Variants in PDGFC observed in about 807,000 individuals in gnomAD.
PDGFC encodes the protein platelet derived growth factor C.
In PDGFC, 12 loss-of-function variants were observed where a neutral mutation model predicts 35.5. The observed-to-expected ratio is 0.34, with a 90% CI of 0.22 to 0.55. The LOEUF (loss-of-function observed/expected upper bound fraction) is 0.55, where lower values mean the gene tolerates loss of function less well. Among genes scored for constraint, PDGFC ranks in the 20% least tolerant of loss-of-function variants. The probability of loss-of-function intolerance (pLI) is 0.91; values close to 1 mark genes in which losing one functional copy is unlikely to be tolerated. For missense variants in PDGFC, 322 were observed against 412.4 expected (o/e 0.78, Z 1.90); for synonymous variants, 159 against 148.8 (o/e 1.07, Z -0.50).
intron 1 of PDGFC, among the ~76,000 whole-genome samples, chr4:156,851,141 G>A (rs1025970677): frequency 6.6e-6 from 1 of 151,970 alleles, no homozygotes; most frequent in Admixed American, 6.6e-5. Flanking sequence ...AAACAAAAAA[G>A]GTATGCAATA....
At chr4:156,796,501 T>G (rs1731446139) in intron 3 of PDGFC, among the ~76,000 whole-genome samples, 1 of 150,550 alleles carries the variant, frequency 6.6e-6, no homozygotes, top group Admixed American at 6.6e-5. Context: ...ATTTTTTTTT[T>G]TTTTTTTTTT....
chr4:156,928,635 C>A (rs187235382), intron 1 of PDGFC, among the ~76,000 whole-genome samples: 12 of 152,278 alleles, frequency 7.9e-5, no homozygotes, highest in African/African-American at 2.4e-4. Flanking sequence ...CCCCAATCCA[C>A]GCTCTATACT....
At chr4:156,934,016 A>C (rs1330180691) in intron 1 of PDGFC, among the ~76,000 whole-genome samples, 1 of 152,162 alleles carries the variant, frequency 6.6e-6, no homozygotes, top group East Asian at 1.9e-4. Context: ...CTAACACATG[A>C]CTTTACAGAG....
chr4:156,821,667 C>T (rs1201638224), intron 2 of PDGFC, among the ~76,000 whole-genome samples: 1 of 152,198 alleles, frequency 6.6e-6, no homozygotes, highest in African/African-American at 2.4e-5. Flanking sequence ...GGTTCCTCAG[C>T]CTCTGGCGTA....
chr4:156,924,472 A>G (rs954892339), intron 1 of PDGFC, among the ~76,000 whole-genome samples: 1 of 152,224 alleles, frequency 6.6e-6, no homozygotes, highest in Non-Finnish European at 1.5e-5. Flanking sequence ...TGGTGGTGGT[A>G]AGAGCCATGC....
chr4:156,886,526 A>G (rs1316247300), intron 1 of PDGFC: 2 of 152,212 alleles, frequency 1.3e-5, no homozygotes, highest in Non-Finnish European at 1.5e-5. Context: ...TCCTACACTC[A>G]GCATACTCTT....
At chr4:156,930,740 C>T (rs565046869) in intron 1 of PDGFC, among the ~76,000 whole-genome samples, 16 of 152,022 alleles carry the variant, frequency 1.1e-4, no homozygotes, top group African/African-American at 3.6e-4. Flanking sequence ...TGGTGGTGCA[C>T]GCCTGTAATC....
chr4:156,933,251 T>C (rs1731595999), intron 1 of PDGFC, among the ~76,000 whole-genome samples: 1 of 152,246 alleles, frequency 6.6e-6, no homozygotes, highest in South Asian at 2.1e-4. Context: ...TAATAAGATA[T>C]CCAAACTTAA....
At chr4:156,924,614 G>A (rs1404255515) in intron 1 of PDGFC, among the ~76,000 whole-genome samples, 1 of 152,102 alleles carries the variant, frequency 6.6e-6, no homozygotes, top group African/African-American at 2.4e-5. Context: ...TATTAGGGAG[G>A]GGGAAGAAAT....
At chr4:156,890,378 G>A (rs1198734558) in intron 1 of PDGFC, among the ~76,000 whole-genome samples, 1 of 152,146 alleles carries the variant, frequency 6.6e-6, no homozygotes, top group Non-Finnish European at 1.5e-5. Flanking sequence ...TTCCAGCTGA[G>A]TCAAATTACT....
intron 3 of PDGFC, among the ~76,000 whole-genome samples, chr4:156,803,337 G>C (rs922668483): frequency 2.3e-4 from 35 of 152,102 alleles, no homozygotes; most frequent in African/African-American, 8.0e-4. Flanking sequence ...ATGGTATATA[G>C]TTCAAGGCTC....
At chr4:156,936,963 G>A (rs1383206134) in intron 1 of PDGFC, among the ~76,000 whole-genome samples, 5 of 152,140 alleles carry the variant, frequency 3.3e-5, no homozygotes, top group Admixed American at 3.3e-4. Context: ...TCTATGCAAT[G>A]GAATTCATGA....
chr4:156,861,468 G>A (rs1289938064), intron 1 of PDGFC: 3 of 1,263,500 alleles, frequency 2.4e-6, no homozygotes, highest in African/African-American at 3.1e-5. Flanking sequence ...TGCCAGTCCA[G>A]ATGCTTGGAT....
At chr4:156,806,038 A>G (rs1303955476) in intron 3 of PDGFC, among the ~76,000 whole-genome samples, 1 of 152,068 alleles carries the variant, frequency 6.6e-6, no homozygotes, top group African/African-American at 2.4e-5. Flanking sequence ...TGGCTATAAT[A>G]CTTACATACT....
At chr4:156,817,396 T>C (rs1732116727) in intron 2 of PDGFC, among the ~76,000 whole-genome samples, 1 of 152,168 alleles carries the variant, frequency 6.6e-6, no homozygotes. Context: ...CAAGTAAGAC[T>C]ATATTTTAAA....
chr4:156,909,321 A>C (rs1464093090), intron 1 of PDGFC, among the ~76,000 whole-genome samples: 1 of 152,214 alleles, frequency 6.6e-6, no homozygotes, highest in Non-Finnish European at 1.5e-5. Context: ...TTTGCTTTTT[A>C]TAAAAAGCCA....
chr4:156,852,930 T>G (rs891048559), intron 1 of PDGFC, among the ~76,000 whole-genome samples: 1 of 152,126 alleles, frequency 6.6e-6, no homozygotes, highest in African/African-American at 2.4e-5. Context: ...CCTGGTCAGC[T>G]TGGAAGCAGA....
chr4:156,772,700 C>A lies in PDGFC; in HGVS notation c.689G>T (p.Gly230Val). Residue 230 changes from glycine to valine, a missense_variant, in exon 4 of 6, where the codon GGA (glycine) becomes GTA (valine). Physicochemically the swap from Gly to Val is moderately radical, Grantham distance 109 (BLOSUM62 -3). Transcript: ENST00000502773. ...WQLLGKAFVFGRKSRVVDLNL... is the reference protein window; with the variant it reads ...WQLLGKAFVFVRKSRVVDLNL... The stretch of plus-strand genomic sequence containing the variant: ...AGGGAGCTTACCTCTGGATTTTCTT[C>A]CAAAAACAAAAGCCTTGCCAAGAAG... 1.9e-6 allele frequency: 3 copies of A among 1,612,164 alleles called. No homozygotes were observed. The highest frequency in any genetic ancestry group is 2.5e-6 in the Non-Finnish European group (3 of 1,178,572).
chr4:156,824,941 A>G (rs987755268), intron 2 of PDGFC, among the ~76,000 whole-genome samples: 1 of 152,216 alleles, frequency 6.6e-6, no homozygotes, highest in Non-Finnish European at 1.5e-5. Context: ...GTGAGTCACT[A>G]TTAAATCAGT....
Sources: gnomAD v4.1 joint callset for allele counts (sites outside exome capture counted in the v4.1 genomes callset) on GRCh38, gnomAD v4.1.1 for gene constraint, MANE v1.5 for transcripts, NCBI Gene and HGNC (gene_info 2026-07-23, HGNC 2026-07-21) for gene names.